MYOF: variants seen among roughly 807,000 people sequenced by gnomAD.
MYOF encodes the protein fer-1-like 3, myoferlin.
MYOF carries 244 observed loss-of-function variants against 284.2 expected under a neutral mutation model. That is an observed-to-expected ratio of 0.86 (90% CI 0.77 to 0.95). The LOEUF is 0.95. MYOF is among the 40% of genes least tolerant of loss of function. The pLI is 0.00. For missense variants in MYOF, 2,496 were observed against 2,560.6 expected (o/e 0.97, Z 0.54); for synonymous variants, 904 against 919.7 (o/e 0.98, Z 0.31).
At chr10:93,444,148 C>T (rs1372936283) in intron 3 of MYOF, among the ~76,000 whole-genome samples, 1 of 152,218 alleles carries the variant, frequency 6.6e-6, no homozygotes, top group Admixed American at 6.5e-5. Flanking sequence ...ACAGATTCCA[C>T]ACTGGTGGCC....
Position 93,313,109 on chromosome 10 carries a change from TA to T in MYOF, c.5799del (p.Ala1935ProfsTer12), listed in dbSNP as rs776963827. Reference sequence around the variant, plus strand: ...TCAAAGAGGGAGGCTGTCTTGGCTTTAAGGGGGTTCATGGCTTTGAGGTCCG... The same window carrying T: ...TCAAAGAGGGAGGCTGTCTTGGCTTTAGGGGGTTCATGGCTTTGAGGTCCG... ...MIPDLKAMNP[L>X]KAKTASLFEQ... On this transcript the variant is annotated frameshift_variant, in exon 51 of 54. Transcript: ENST00000359263. LOFTEE classifies it high-confidence loss of function. 1 of 1,614,086 alleles carries T rather than the reference TA, an allele frequency of 6.2e-7. No homozygotes were observed. Among genetic ancestry groups the T allele is most frequent in the East Asian group, 2.2e-5 (1 of 44,878 alleles).
At chr10:93,372,092 TAA>T (rs1304829467) in intron 24 of MYOF, among the ~76,000 whole-genome samples, 1 of 152,228 alleles carries the variant, frequency 6.6e-6, no homozygotes, top group African/African-American at 2.4e-5. Context: ...GTAAATTTAT[TAA>T]AAGTTAGCAG....
chr10:93,473,442 C>T (rs1320185110), intron 1 of MYOF, among the ~76,000 whole-genome samples: 1 of 152,222 alleles, frequency 6.6e-6, no homozygotes, highest in Non-Finnish European at 1.5e-5. Flanking sequence ...GATGTAGAGT[C>T]AAGACCCAGT....
At chr10:93,430,904 A>C (rs1176450541) in intron 4 of MYOF, among the ~76,000 whole-genome samples, 1 of 152,214 alleles carries the variant, frequency 6.6e-6, no homozygotes, top group African/African-American at 2.4e-5. Flanking sequence ...ATCACCAGAA[A>C]AATCTCAAAA....
At chr10:93,369,922 G>T in intron 24 of MYOF, 146 bp from the exon 25 acceptor site, 1 of 1,012,248 alleles carries the variant, frequency 9.9e-7, no homozygotes, top group Non-Finnish European at 1.4e-6. Context: ...ATTTCCAGAT[G>T]ACCCTACAGC....
intron 43 of MYOF, among the ~76,000 whole-genome samples, chr10:93,331,706 AG>A (rs1258567950): frequency 4.9e-5 from 1 of 20,490 alleles, no homozygotes; most frequent in African/African-American, 1.3e-4. Context: ...CGGGGGGCGT[AG>A]GGGGGGTGGG....
intron 12 of MYOF, among the ~76,000 whole-genome samples, chr10:93,400,767 G>A (rs976472284): frequency 2.0e-5 from 3 of 151,704 alleles, no homozygotes; most frequent in Non-Finnish European, 4.4e-5. Flanking sequence ...TCCCTTAAAT[G>A]CAACCAGTCT....
intron 1 of MYOF, among the ~76,000 whole-genome samples, chr10:93,465,524 C>CT (rs138581408): frequency 2.1e-3 from 213 of 100,138 alleles, no homozygotes; most frequent in Non-Finnish European, 2.9e-3. Context: ...TTTTTTCTTT[C>CT]TTTTTTTTCT....
intron 4 of MYOF, 58 bp from the exon 5 acceptor site, chr10:93,426,216 ACT>A: frequency 1.3e-6 from 2 of 1,512,852 alleles, no homozygotes; most frequent in East Asian, 4.9e-5. Context: ...CATGTTATAG[ACT>A]CAATGCAAGT....
At chr10:93,351,155 C>T in intron 35 of MYOF, 42 bp downstream of exon 35, 1 of 1,579,748 alleles carries the variant, frequency 6.3e-7, no homozygotes, top group South Asian at 1.1e-5. Flanking sequence ...CCTGCAGTCA[C>T]ATCCGTTTGA....
Position 93,323,094 on chromosome 10 carries a change from C to T in MYOF, c.5440G>A (p.Asp1814Asn). Residue 1814 changes from aspartate (D) to asparagine (N), a missense_variant, in exon 48 of 54, where the codon GAC (aspartate) becomes AAC (asparagine). By Grantham distance (23) the Asp-to-Asn change is conservative (BLOSUM62 1). Coordinates refer to ENST00000359263, the MANE Select transcript of MYOF (RefSeq NM_013451.4). ...TAACCTTACCCTTTGACGTAGATGT[C>T]ACTCATTTCCTCTCCTGTGATGCTT... ...EKSITGEEMS[D>N]IYVKGWIPGN... 2 of 1,613,944 alleles carry T rather than the reference C, an allele frequency of 1.2e-6. No individual in the cohort carries two copies. The highest frequency in any genetic ancestry group is 2.2e-5 in the East Asian group (1 of 44,884).
chr10:93,342,623 G>A (rs1348264988), intron 38 of MYOF, among the ~76,000 whole-genome samples: 2 of 152,166 alleles, frequency 1.3e-5, no homozygotes, highest in Non-Finnish European at 2.9e-5. Context: ...AGAAGTGAAC[G>A]AAAATACTGG....
At chr10:93,454,987 TAAAA>T (rs56013436) in intron 2 of MYOF, among the ~76,000 whole-genome samples, 4 of 58,654 alleles carry the variant, frequency 6.8e-5, no homozygotes, top group Non-Finnish European at 9.2e-5. Flanking sequence ...TTTTTTTAAT[TAAAA>T]AAAAAAAAAA....
intron 29 of MYOF, among the ~76,000 whole-genome samples, chr10:93,358,392 G>A (rs991425604): frequency 5.3e-5 from 8 of 152,250 alleles, no homozygotes; most frequent in East Asian, 3.9e-4. Flanking sequence ...ACAGTGTGGC[G>A]ATTCTTCAAA....
intron 3 of MYOF, among the ~76,000 whole-genome samples, chr10:93,449,194 T>C (rs1432189096): frequency 1.3e-5 from 2 of 152,200 alleles, no homozygotes; most frequent in Non-Finnish European, 2.9e-5. Context: ...AAAGAATGTG[T>C]GCAGAATATC....
rs997428863 is a variant in MYOF, at chr10:93,342,723, C to T, written c.4326+1133G>A. On this transcript the variant is annotated intron_variant, in intron 38 of 53. Coordinates refer to ENST00000359263, the MANE Select transcript of MYOF (RefSeq NM_013451.4). ...AAGGCATGTAATAAGAATTGACTGA[C>T]GATGAGAGATGGCAAACCTGGAGGC... 7.9e-5 allele frequency among the ~76,000 whole-genome samples: 12 copies of T among 152,112 alleles called. No individual in the cohort carries two copies. In the East Asian group the frequency reaches 1.7e-3, roughly 22 times the overall value.
chr10:93,332,673 G>A (rs377269042), intron 43 of MYOF, among the ~76,000 whole-genome samples: 8 of 151,914 alleles, frequency 5.3e-5, no homozygotes, highest in East Asian at 4.0e-4. Flanking sequence ...GTGAAACCCC[G>A]TCTCTACTAA....
intron 5 of MYOF, among the ~76,000 whole-genome samples, chr10:93,417,163 C>T (rs1443784630): frequency 1.3e-5 from 2 of 152,190 alleles, no homozygotes; most frequent in African/African-American, 4.8e-5. Context: ...TCCTGCCTCT[C>T]CAATAATTAT....
chr10:93,352,089 A>G (rs1168831040), intron 32 of MYOF, among the ~76,000 whole-genome samples: 1 of 152,140 alleles, frequency 6.6e-6, no homozygotes, highest in Non-Finnish European at 1.5e-5. Flanking sequence ...TGTCCCCACC[A>G]AGGTTAATGG....
Sources: gnomAD v4.1 joint callset for allele counts (sites outside exome capture counted in the v4.1 genomes callset) on GRCh38, gnomAD v4.1.1 for gene constraint, MANE v1.5 for transcripts, NCBI Gene and HGNC (gene_info 2026-07-23, HGNC 2026-07-21) for gene names.